DNAH9: variants seen among roughly 807,000 people sequenced by gnomAD.
DNAH9 encodes DNAH9 variant protein.
A neutral mutation model predicts 471.6 loss-of-function variants in DNAH9; 345 were observed. That is an observed-to-expected ratio of 0.73 (90% confidence interval 0.67 to 0.80). DNAH9 has a LOEUF of 0.80. DNAH9 is among the 30% of genes least tolerant of loss of function. The probability of loss-of-function intolerance (pLI) is 0.00; values close to 1 mark genes in which losing one functional copy is unlikely to be tolerated. For synonymous variants in DNAH9, 2,093 were observed against 2,123.6 expected (o/e 0.99, Z 0.40); for missense variants, 5,407 against 5,609.2 (o/e 0.96, Z 1.15).
chr17:11,690,967 T>C (rs7207235), intron 20 of DNAH9, among the ~76,000 whole-genome samples: 21,554 of 152,214 alleles, frequency 0.14, 1,774 homozygotes, highest in East Asian at 0.4. Flanking sequence ...TGTGTTTGAT[T>C]GCCCCTTCTA....
intron 38 of DNAH9, among the ~76,000 whole-genome samples, chr17:11,775,077 T>A (rs1255385159): frequency 6.6e-6 from 1 of 152,192 alleles, no homozygotes; most frequent in Non-Finnish European, 1.5e-5. Context: ...TCTATCACTA[T>A]AAATTAGTTT....
At chr17:11,707,837 C>A (rs1333938986) in intron 26 of DNAH9, among the ~76,000 whole-genome samples, 1 of 152,092 alleles carries the variant, frequency 6.6e-6, no homozygotes, top group Non-Finnish European at 1.5e-5. Flanking sequence ...CACATGCTTT[C>A]CTCTGCCTGC....
In DNAH9 at chr17:11,738,931, C is replaced by T; in HGVS notation, c.5866C>T (p.Leu1956Phe). 6.2e-7 allele frequency: 1 copy of T among 1,614,104 alleles called. No homozygotes were observed. Among genetic ancestry groups the T allele is most frequent in the Non-Finnish European group, 8.5e-7 (1 of 1,179,972 alleles). Residue 1956 changes from leucine to phenylalanine, a missense_variant, in exon 29 of 69, where the codon CTT becomes TTT. By Grantham distance (22) the Leu-to-Phe change is conservative. Around this residue, in one of 3 missense-constraint regions of DNAH9, gnomAD observed 4,636 missense variants for 4,900.3 expected, o/e 0.95. Transcript: ENST00000262442. The stretch of plus-strand genomic sequence containing the variant: ...AGATAAGAAGCAGTGGTTCAGCTTC[C>T]TTGGGGAGGAGATCAGCCTGAATCC... Reference protein sequence around the residue: ...IRDKKQWFSFLGEEISLNPSV... With the variant: ...IRDKKQWFSFFGEEISLNPSV...
At chr17:11,680,447 C>A (rs1453304156) in intron 18 of DNAH9, among the ~76,000 whole-genome samples, 2 of 152,202 alleles carry the variant, frequency 1.3e-5, no homozygotes, top group African/African-American at 4.8e-5. Flanking sequence ...CTTTAGCATT[C>A]CAAGTTTTCA....
intron 17 of DNAH9, among the ~76,000 whole-genome samples, chr17:11,679,181 G>A (rs1332997252): frequency 6.6e-6 from 1 of 152,128 alleles, no homozygotes; most frequent in African/African-American, 2.4e-5. Flanking sequence ...ACTTAAAAAT[G>A]TTTGTTTCTT....
chr17:11,622,530 C>T (rs906879747), intron 6 of DNAH9, among the ~76,000 whole-genome samples: 4 of 152,100 alleles, frequency 2.6e-5, no homozygotes, highest in South Asian at 2.1e-4. Flanking sequence ...CCACGAAGAA[C>T]GAATTTCCAT....
chr17:11,715,039 G>A (rs2074934757), intron 26 of DNAH9, among the ~76,000 whole-genome samples: 1 of 152,210 alleles, frequency 6.6e-6, no homozygotes, highest in Non-Finnish European at 1.5e-5. Context: ...GGCACTGAGT[G>A]CGTGGTAATT....
chr17:11,902,640 T>C (rs2151012980), intron 59 of DNAH9, 79 bp from the exon 60 acceptor site: 1 of 1,275,386 alleles, frequency 7.8e-7, no homozygotes, highest in East Asian at 2.3e-5. Context: ...TAAGACCATC[T>C]GGCCCCTCAA....
chr17:11,760,393 T>G (rs971318936), intron 35 of DNAH9, among the ~76,000 whole-genome samples: 4 of 152,218 alleles, frequency 2.6e-5, no homozygotes, highest in African/African-American at 9.6e-5. Context: ...TGCCGGTGCA[T>G]GCACAAGCCT....
rs11654826 is a variant in DNAH9, at chr17:11,623,426, T to G, written c.1350+3645T>G. On this transcript the variant is annotated intron_variant, in intron 6 of 68. Coordinates refer to ENST00000262442, the MANE Select transcript of DNAH9 (RefSeq NM_001372.4). The surrounding 1 kb of genome is among the most constrained non-coding windows in gnomAD (Gnocchi z 4.1). ...CCCTGAATTTCCATGTGTTTTCATC[T>G]TCCCACGGCTACTCCTTGCCCCTTT... Among the ~76,000 whole-genome samples the G allele has an allele frequency of 6.6e-6, 1 of 151,862 alleles. No homozygotes were observed. The highest frequency in any genetic ancestry group is 2.4e-5 in the African/African-American group (1 of 41,260).
At chr17:11,698,244 TAA>T (rs1411908783) in intron 22 of DNAH9, among the ~76,000 whole-genome samples, 211 of 40,160 alleles carry the variant, frequency 5.3e-3, no homozygotes, top group Non-Finnish European at 9.6e-3. Flanking sequence ...ATATATTATA[TAA>T]TATATTAATA....
chr17:11,645,549 G>A (rs1383214126), intron 11 of DNAH9, among the ~76,000 whole-genome samples: 1 of 152,168 alleles, frequency 6.6e-6, no homozygotes, highest in Non-Finnish European at 1.5e-5. Flanking sequence ...CCTTGCGGTG[G>A]TTCTCACAGC....
Position 11,881,350 on chromosome 17 carries a change from C to T in DNAH9, c.10743C>T (p.Gly3581=). 6.2e-7 allele frequency: 1 copy of T among 1,614,070 alleles called. No homozygotes were observed. The highest frequency in any genetic ancestry group is 8.5e-7 in the Non-Finnish European group (1 of 1,180,020). The change falls in exon 55 of 69, where the codon GGC becomes GGT. Residue 3581 remains glycine (G), a synonymous_variant. Transcript: ENST00000262442. ...TLINFTVTRD[G]LEDQLLAAVV... ...TCAACTTCACCGTGACCAGGGATGG[C>T]CTGGAGGACCAGTTGCTGGCCGCTG...
chr17:11,625,061 G>A (rs1324937414), intron 6 of DNAH9, among the ~76,000 whole-genome samples: 1 of 142,754 alleles, frequency 7.0e-6, no homozygotes, highest in Non-Finnish European at 1.5e-5. Flanking sequence ...CTGCCTTCCT[G>A]CTTGATGCAT....
intron 61 of DNAH9, among the ~76,000 whole-genome samples, chr17:11,921,630 C>G (rs139971253): frequency 6.6e-6 from 1 of 152,284 alleles, no homozygotes; most frequent in African/African-American, 2.4e-5. Context: ...CTCACAGTTG[C>G]AAAGGGAAAG....
chr17:11,715,473 A>G (rs970403807), intron 26 of DNAH9, among the ~76,000 whole-genome samples: 3 of 152,214 alleles, frequency 2.0e-5, no homozygotes, highest in Non-Finnish European at 4.4e-5. Context: ...TCACTGAAAG[A>G]AAAGACTATA....
chr17:11,696,071 C>G (rs2074471568), intron 22 of DNAH9, among the ~76,000 whole-genome samples: 1 of 152,176 alleles, frequency 6.6e-6, no homozygotes. Context: ...TCCTTTCATG[C>G]CATAACCACG....
chr17:11,749,341 C>T (rs1451165932), intron 32 of DNAH9, among the ~76,000 whole-genome samples: 1 of 152,026 alleles, frequency 6.6e-6, no homozygotes, highest in African/African-American at 2.4e-5. Context: ...GCCTCAGCCT[C>T]CCAAAGTTCT....
chr17:11,728,098 G>A, intron 28 of DNAH9, 176 bp downstream of exon 28: 1 of 587,276 alleles, frequency 1.7e-6, no homozygotes, highest in South Asian at 2.1e-5. Context: ...TCCAAAATGG[G>A]TATCCTTCTG....
Sources: gnomAD v4.1 joint callset for allele counts (sites outside exome capture counted in the v4.1 genomes callset) on GRCh38, gnomAD v4.1.1 for gene constraint, gnomAD v4.1.1 regional missense constraint, Gnocchi (gnomAD v3.1) non-coding constraint, MANE v1.5 for transcripts, NCBI Gene and HGNC (gene_info 2026-07-23, HGNC 2026-07-21) for gene names.